PSME4: variants seen among roughly 807,000 people sequenced by gnomAD.
The protein encoded by PSME4 is proteasome activator complex subunit 4.
Under a neutral mutation model 253.9 loss-of-function variants are expected in PSME4, and 89 were observed. The ratio of observed to expected loss-of-function variants is 0.35; its 90% confidence interval spans 0.30 to 0.42. PSME4 has a LOEUF of 0.42. Among genes scored for constraint, PSME4 ranks in the 10% least tolerant of loss-of-function variants. PSME4 has a pLI of 1.00. For missense variants in PSME4, 2,014 were observed against 2,195.2 expected (o/e 0.92, Z 1.65); for synonymous variants, 851 against 759.2 (o/e 1.12, Z -1.99).
rs768353990 is a variant in PSME4 at position 53,901,351 on chromosome 2, G to A, written c.3284C>T (p.Thr1095Ile). 1.2e-5 allele frequency: 20 copies of A among 1,607,892 alleles called. No individual in the cohort carries two copies. The Admixed American group carries it at 1.3e-4, about 11-fold the overall frequency. The change falls in exon 28 of 47, where the codon ACA becomes ATA. Residue 1095 changes from threonine to isoleucine, a missense_variant and splice_region_variant. This residue lies in a region of PSME4 where 989 missense variants were observed against 1,021.1 expected (regional missense o/e 0.97). Coordinates refer to ENST00000404125, the MANE Select transcript of PSME4 (RefSeq NM_014614.3). ...RQYETIGLDF[T>I]IPKSCVEIAE... ...GAATGAAAGAATGATATTGCTTACT[G>A]TGAAGTCCAAGCCAATTGTTTCATA...
At chr2:53,954,447 C>G (rs889218532) in intron 1 of PSME4, among the ~76,000 whole-genome samples, 2 of 152,224 alleles carry the variant, frequency 1.3e-5, no homozygotes, top group Non-Finnish European at 2.9e-5. Context: ...CAAGACCAGC[C>G]TGGGCAACAG....
intron 4 of PSME4, among the ~76,000 whole-genome samples, chr2:53,938,159 G>A (rs754497405): frequency 6.6e-6 from 1 of 152,046 alleles, no homozygotes; most frequent in African/African-American, 2.4e-5. Flanking sequence ...TTTGTGCTAT[G>A]TAACAATTAA....
At chr2:53,892,677 C>T (rs1679965349) in intron 36 of PSME4, 131 bp downstream of exon 36, 3 of 767,492 alleles carry the variant, frequency 3.9e-6, no homozygotes. Context: ...GCAATGTCTA[C>T]ATATCGGCAT....
intron 1 of PSME4, among the ~76,000 whole-genome samples, chr2:53,950,569 C>T (rs944499334): frequency 6.6e-6 from 1 of 152,116 alleles, no homozygotes. Context: ...TGGCCAGGCA[C>T]AGTGGCTCAC....
rs1320566861 is a variant in PSME4, at chr2:53,964,649, T to C, written c.242+5894A>G. On this transcript the variant is annotated intron_variant, in intron 1 of 46. Transcript: ENST00000404125. ...TTCAATACTCAAACATTAGATACTC[T>C]TAGGTGCCTCATACCAGACAATGCA... 2.0e-5 allele frequency among the ~76,000 whole-genome samples: 3 copies of C among 152,228 alleles called. No individual in the cohort carries two copies. In the East Asian group the frequency reaches 5.8e-4, roughly 29 times the overall value.
chr2:53,869,975 C>T (rs805385), intron 43 of PSME4: 34,613 of 152,668 alleles, frequency 0.23, 4,231 homozygotes, highest in South Asian at 0.29. Context: ...ATCATGGAGA[C>T]TTACATCCTA....
chr2:53,933,972 A>C (rs74627832), intron 8 of PSME4, among the ~76,000 whole-genome samples: 6,521 of 152,312 alleles, frequency 0.043, 162 homozygotes, highest in Non-Finnish European at 0.059. Context: ...TAAACAAAAA[A>C]AAATTGTCTT....
At chr2:53,954,170 A>G (rs1039598415) in intron 1 of PSME4, among the ~76,000 whole-genome samples, 1 of 152,130 alleles carries the variant, frequency 6.6e-6, no homozygotes, top group Non-Finnish European at 1.5e-5. Flanking sequence ...TCTACTAAAA[A>G]TACAAAAATT....
intron 36 of PSME4, among the ~76,000 whole-genome samples, chr2:53,890,645 T>G (rs901157879): frequency 6.6e-6 from 1 of 152,162 alleles, no homozygotes; most frequent in South Asian, 2.1e-4. Context: ...TCCAGCAAAG[T>G]ACATTATCAC....
In PSME4 at chr2:53,910,146, A is replaced by G. The variant is rs1394373588; in HGVS notation, c.2517-16T>C. The G allele has an allele frequency of 1.3e-6, 2 of 1,596,476 alleles. No individual in the cohort carries two copies. Among genetic ancestry groups the G allele is most frequent in the Admixed American group, 1.7e-5 (1 of 59,992 alleles). ...ACTTGGTACTCTGTATAAAAACAAG[A>G]GTGCTTGCATTTATTAATAATACCA... On this transcript the variant is annotated splice_polypyrimidine_tract_variant and intron_variant, in intron 20 of 46. Coordinates refer to ENST00000404125, the MANE Select transcript of PSME4 (RefSeq NM_014614.3).
intron 41 of PSME4, 21 bp from the exon 42 acceptor site, chr2:53,875,776 G>T (rs769036929): frequency 1.2e-6 from 2 of 1,600,408 alleles, no homozygotes; most frequent in South Asian, 2.3e-5. Flanking sequence ...ATGTAAAAAG[G>T]ACAAAAATGG....
intron 24 of PSME4, among the ~76,000 whole-genome samples, chr2:53,907,705 C>T (rs1680721621): frequency 6.6e-6 from 1 of 152,184 alleles, no homozygotes; most frequent in Non-Finnish European, 1.5e-5. Flanking sequence ...CTAGTTTACC[C>T]TCTACAGCCC....
At chr2:53,866,025 C>T in intron 46 of PSME4, 60 bp downstream of exon 46, 1 of 1,441,438 alleles carries the variant, frequency 6.9e-7, no homozygotes, top group Non-Finnish European at 9.4e-7. Context: ...AGAAAAAAAA[C>T]AATAAATATC....
At chr2:53,873,788 C>A (rs1045907891) in intron 43 of PSME4, among the ~76,000 whole-genome samples, 1 of 152,158 alleles carries the variant, frequency 6.6e-6, no homozygotes, top group African/African-American at 2.4e-5. Context: ...GGGACAATTA[C>A]AATTATCATC....
chr2:53,888,852 TA>T, intron 37 of PSME4, 40 bp from the exon 38 acceptor site: 1 of 1,412,162 alleles, frequency 7.1e-7, no homozygotes, highest in Non-Finnish European at 1.0e-6. Context: ...ACAGAGAACC[TA>T]CAATTCTGTA....
intron 1 of PSME4, among the ~76,000 whole-genome samples, chr2:53,952,860 C>A (rs556764270): frequency 1.4e-4 from 21 of 152,354 alleles, no homozygotes; most frequent in African/African-American, 4.6e-4. Flanking sequence ...TAACAGGCCA[C>A]AGACCCATAC....
At chr2:53,886,609 A>G (rs968548405) in intron 40 of PSME4, among the ~76,000 whole-genome samples, 4 of 152,178 alleles carry the variant, frequency 2.6e-5, no homozygotes, top group African/African-American at 9.7e-5. Context: ...CTGGAATGTA[A>G]AATGGTGCAG....
At chr2:53,890,266 A>T in intron 36 of PSME4, 58 bp from the exon 37 acceptor site, 1 of 1,176,432 alleles carries the variant, frequency 8.5e-7, no homozygotes, top group Non-Finnish European at 1.3e-6. Flanking sequence ...TTTTTCTTCA[A>T]ATATCTTTCT....
At chr2:53,928,343 G>T in intron 10 of PSME4, 40 bp from the exon 11 acceptor site, 1 of 1,494,522 alleles carries the variant, frequency 6.7e-7, no homozygotes, top group Non-Finnish European at 9.3e-7. Flanking sequence ...CTCCATCACA[G>T]ATATGCATAA....
Sources: allele counts gnomAD v4.1 joint callset (sites outside exome capture counted in the v4.1 genomes callset), GRCh38; gene constraint gnomAD v4.1.1; regional missense constraint gnomAD v4.1.1; transcripts MANE v1.5; gene names NCBI Gene and HGNC (gene_info 2026-07-23, HGNC 2026-07-21).